LRRC7: variants seen among roughly 807,000 people sequenced by gnomAD.
LRRC7 encodes the protein leucine rich repeat containing 7.
In LRRC7, 23 loss-of-function variants were observed where a neutral mutation model predicts 175.7. The observed-to-expected ratio is 0.13, with a 90% CI of 0.09 to 0.19. The LOEUF is 0.19. Ranked by LOEUF, LRRC7 falls within the 10% of genes least tolerant of loss-of-function variation. The pLI is 1.00. For missense variants in LRRC7, 1,354 were observed against 1,904.7 expected, an observed-to-expected ratio of 0.71 and a Z score of 5.38; for synonymous variants, 685 against 680.9, an observed-to-expected ratio of 1.01 and a Z score of -0.09.
chr1:69,641,963 T>G (rs1181544733), intron 1 of LRRC7, among the ~76,000 whole-genome samples: 1 of 151,820 alleles, frequency 6.6e-6, no homozygotes, highest in Non-Finnish European at 1.5e-5. Flanking sequence ...AAGTTATAAT[T>G]TAAGCTAGCT....
At chr1:69,756,096 A>G (rs1294495403) in intron 2 of LRRC7, among the ~76,000 whole-genome samples, 1 of 151,966 alleles carries the variant, frequency 6.6e-6, no homozygotes, top group Non-Finnish European at 1.5e-5. Context: ...CACAAATAGG[A>G]TACTATGAAA....
At position 70,142,215 on chromosome 1, in the gene LRRC7, T is replaced by C. The variant is rs1667088702; in HGVS notation, c.*20328T>C. The C allele has an allele frequency of 6.6e-6, 1 of 152,138 alleles. No individual in the cohort carries two copies. The highest frequency in any genetic ancestry group is 6.6e-5 in the Admixed American group (1 of 15,264). The allele number at this position is 152,138 out of a possible 1,614,324, so 9.4% of individuals were successfully genotyped here. A position where few individuals can be genotyped will look rare whatever the true frequency, so the allele number is the denominator to read the frequency against. On this transcript the variant is annotated 3_prime_UTR_variant, in exon 27 of 27. Transcript: ENST00000651989. ...CTTGTAGTCTTTCCACTCAGAGGAC[T>C]CTTATTTGGCTTGAATGTGGAAAAG...
intron 1 of LRRC7, among the ~76,000 whole-genome samples, chr1:69,588,243 T>C (rs2100944110): frequency 6.6e-6 from 1 of 152,322 alleles, no homozygotes; most frequent in South Asian, 2.1e-4. Context: ...GATGTGTCTC[T>C]TTTTCAGTAA....
intron 7 of LRRC7, among the ~76,000 whole-genome samples, chr1:69,878,429 T>C (rs915601557): frequency 6.6e-6 from 1 of 152,140 alleles, no homozygotes; most frequent in African/African-American, 2.4e-5. Context: ...CACACTGAGA[T>C]TGGAGATACA....
At chr1:69,670,459 G>A (rs1196236224) in intron 1 of LRRC7, among the ~76,000 whole-genome samples, 1 of 152,122 alleles carries the variant, frequency 6.6e-6, no homozygotes, top group African/African-American at 2.4e-5. Context: ...GACTGCACTG[G>A]ATCAGACCTA....
At chr1:69,624,645 T>G (rs548299215) in intron 1 of LRRC7, among the ~76,000 whole-genome samples, 1 of 152,008 alleles carries the variant, frequency 6.6e-6, no homozygotes, top group African/African-American at 2.4e-5. Context: ...TTTTACATTT[T>G]AATCTACACT....
chr1:69,787,828 T>A (rs1308698409), intron 3 of LRRC7, among the ~76,000 whole-genome samples: 1 of 152,056 alleles, frequency 6.6e-6, no homozygotes, highest in Non-Finnish European at 1.5e-5. Context: ...TCCCACCGGG[T>A]CCCTCCCACA....
chr1:69,864,831 A>G (rs1344413583), intron 7 of LRRC7, among the ~76,000 whole-genome samples: 1 of 152,194 alleles, frequency 6.6e-6, no homozygotes, highest in African/African-American at 2.4e-5. Context: ...AACGCTGAAT[A>G]TTTAAGCCAG....
At chr1:69,961,590 G>C (rs1342510402) in intron 8 of LRRC7, among the ~76,000 whole-genome samples, 2 of 152,002 alleles carry the variant, frequency 1.3e-5, no homozygotes, top group Non-Finnish European at 2.9e-5. Flanking sequence ...TATGCTACAG[G>C]GCTGCTACAG....
intron 1 of LRRC7, among the ~76,000 whole-genome samples, chr1:69,605,119 A>G (rs1470864283): frequency 6.6e-6 from 1 of 152,078 alleles, no homozygotes; most frequent in Non-Finnish European, 1.5e-5. Flanking sequence ...TCAGGGGAGA[A>G]ATCTTGTGGG....
rs539593349 is a variant in LRRC7 at position 69,687,745 on chromosome 1, A to C, written c.100+9267A>C. On this transcript the variant is annotated intron_variant, in intron 2 of 26. Coordinates refer to ENST00000651989, the MANE Select transcript of LRRC7 (RefSeq NM_001370785.2). ...TTACCCTTCTAACAGAATTTCTTTA[A>C]TATTAGCAAGAGATAACACTTAAAA... 7.2e-5 allele frequency among the ~76,000 whole-genome samples: 11 copies of C among 152,156 alleles called. No homozygotes were observed. In the South Asian group the frequency reaches 2.3e-3, roughly 32 times the overall value.
chr1:69,584,773 T>C (rs1410551564), intron 1 of LRRC7, among the ~76,000 whole-genome samples: 1 of 152,146 alleles, frequency 6.6e-6, no homozygotes, highest in Non-Finnish European at 1.5e-5. Context: ...AACATATGGA[T>C]TCCTGTAAGT....
chr1:70,051,022 G>C (rs1169518118), intron 22 of LRRC7, among the ~76,000 whole-genome samples: 1 of 151,920 alleles, frequency 6.6e-6, no homozygotes, highest in Non-Finnish European at 1.5e-5. Context: ...TAGAGACTTG[G>C]TGTGATTGTT....
Position 69,823,670 on chromosome 1 carries a change from C to T in LRRC7, c.422-2078C>T, listed in dbSNP as rs904372622. Among the ~76,000 whole-genome samples the T allele has an allele frequency of 5.3e-5, 8 of 152,056 alleles. No homozygotes were observed. In the East Asian group the frequency reaches 5.8e-4, roughly 11 times the overall value. On this transcript the variant is annotated intron_variant, in intron 4 of 26. Coordinates refer to ENST00000651989, the MANE Select transcript of LRRC7 (RefSeq NM_001370785.2). The stretch of plus-strand genomic sequence containing the variant: ...TTCTCTAAGGTAGATAAATTTTATA[C>T]GTTTATACCTGAAGCCAGATAATTT...
intron 4 of LRRC7, among the ~76,000 whole-genome samples, chr1:69,819,285 C>A (rs1678953484): frequency 6.6e-6 from 1 of 151,766 alleles, no homozygotes; most frequent in East Asian, 1.9e-4. Context: ...TCAAGATTTT[C>A]TTTTAATTTT....
At chr1:69,884,780 A>G (rs888868469) in intron 7 of LRRC7, among the ~76,000 whole-genome samples, 5 of 146,894 alleles carry the variant, frequency 3.4e-5, no homozygotes, top group South Asian at 2.2e-4. Flanking sequence ...ATTATTTTGA[A>G]ATACGTCCCA....
intron 4 of LRRC7, among the ~76,000 whole-genome samples, chr1:69,801,466 T>G (rs899211800): frequency 3.3e-5 from 5 of 151,898 alleles, no homozygotes; most frequent in African/African-American, 1.2e-4. Context: ...TTCTAGGAAT[T>G]CATTCATTTC....
At position 70,131,897 on chromosome 1, in the gene LRRC7, G is replaced by C. The variant is rs996944797; in HGVS notation, c.*10010G>C. ...ATCTTAGGATAGTAAGAATATTTTAGAATAGTAAGAGTACTTTAATGAAAT... is the reference window on the plus strand; with the variant it reads ...ATCTTAGGATAGTAAGAATATTTTACAATAGTAAGAGTACTTTAATGAAAT... On this transcript the variant is annotated 3_prime_UTR_variant, in exon 27 of 27. Coordinates refer to ENST00000651989, the MANE Select transcript of LRRC7 (RefSeq NM_001370785.2). Among the ~76,000 whole-genome samples, 1 of 152,134 alleles carries C rather than the reference G, an allele frequency of 6.6e-6. No homozygotes were observed.
intron 2 of LRRC7, among the ~76,000 whole-genome samples, chr1:69,699,910 A>G (rs1349568125): frequency 6.6e-6 from 1 of 152,166 alleles, no homozygotes; most frequent in South Asian, 2.1e-4. Context: ...ACTGCAGGGA[A>G]TTTATTTCCA....
Sources: gnomAD v4.1 joint callset for allele counts (sites outside exome capture counted in the v4.1 genomes callset) on GRCh38, gnomAD v4.1.1 for gene constraint, MANE v1.5 for transcripts, NCBI Gene and HGNC (gene_info 2026-07-23, HGNC 2026-07-21) for gene names.